TRIM2: variants seen among roughly 807,000 people sequenced by gnomAD.
TRIM2 encodes tripartite motif-containing protein 2.
TRIM2 carries 20 observed loss-of-function variants against 75.2 expected under a neutral mutation model. The observed-to-expected ratio is 0.27, with a 90% CI of 0.19 to 0.39. The LOEUF (loss-of-function observed/expected upper bound fraction) is 0.39. Ranked by LOEUF, TRIM2 falls within the 10% of genes least tolerant of loss-of-function variation. The pLI, the probability that TRIM2 is intolerant of heterozygous loss-of-function variation, is 1.00. For synonymous variants in TRIM2, 373 were observed against 388.3 expected, an observed-to-expected ratio of 0.96 and a Z score of 0.46; for missense variants, 660 against 990.8, an observed-to-expected ratio of 0.67 and a Z score of 4.48.
intron 3 of TRIM2, among the ~76,000 whole-genome samples, chr4:153,288,419 A>G (rs761480327): frequency 2.6e-5 from 4 of 152,222 alleles, no homozygotes. Flanking sequence ...CCTGGGTGAC[A>G]GAGTGAGACT....
At chr4:153,228,154 ACT>A (rs1279748616) in intron 1 of TRIM2, among the ~76,000 whole-genome samples, 1 of 152,120 alleles carries the variant, frequency 6.6e-6, no homozygotes, top group Admixed American at 6.5e-5. Flanking sequence ...AGGATCAGCT[ACT>A]CTCTATCCAT....
chr4:153,231,655 C>T (rs1206468369), intron 1 of TRIM2, among the ~76,000 whole-genome samples: 2 of 152,146 alleles, frequency 1.3e-5, no homozygotes, highest in Admixed American at 1.3e-4. Context: ...TGCTTAGGTG[C>T]TCTAAAGGGT....
rs1579850795 is a variant in TRIM2 at position 153,335,064 on chromosome 4, G to A, written c.*98G>A. The stretch of plus-strand genomic sequence containing the variant: ...GATTATGACTAGAGTTTTTATGCCA[G>A]AAGGAATCATTGGTGAACTTTCCAA... On this transcript the variant is annotated 3_prime_UTR_variant, in exon 12 of 12. Coordinates refer to ENST00000338700, the MANE Select transcript of TRIM2 (RefSeq NM_015271.5). 2.2e-6 allele frequency: 3 copies of A among 1,338,438 alleles called. No homozygotes were observed. The East Asian group carries it at 8.3e-5, about 37-fold the overall frequency. 82.9% of individuals were successfully genotyped at this position (1,338,438 alleles called of 1,614,324 possible). A position where few individuals can be genotyped will look rare whatever the true frequency, so the allele number is the denominator to read the frequency against.
intron 6 of TRIM2, among the ~76,000 whole-genome samples, chr4:153,300,470 A>T (rs564566154): frequency 4.2e-4 from 64 of 152,270 alleles, no homozygotes; most frequent in African/African-American, 1.5e-3. Context: ...GTTTTTGGTA[A>T]TAGCCATTCT....
chr4:153,288,493 T>G (rs1761160668), intron 3 of TRIM2, among the ~76,000 whole-genome samples: 2 of 152,212 alleles, frequency 1.3e-5, no homozygotes, highest in South Asian at 4.1e-4. Context: ...GAGTCACCTC[T>G]GTCTTGCTGC....
chr4:153,309,464 G>T (rs1312874690), intron 6 of TRIM2, among the ~76,000 whole-genome samples: 2 of 152,038 alleles, frequency 1.3e-5, no homozygotes, highest in Non-Finnish European at 2.9e-5. Context: ...TACAATGGGG[G>T]TTGTAATTTA....
At chr4:153,178,679 C>A (rs1001459428) in intron 1 of TRIM2, among the ~76,000 whole-genome samples, 14 of 152,172 alleles carry the variant, frequency 9.2e-5, no homozygotes, top group African/African-American at 3.1e-4. Flanking sequence ...CATCCTGTAG[C>A]CTTCTCTTAG....
At chr4:153,250,530 C>T (rs1468787380) in intron 1 of TRIM2, among the ~76,000 whole-genome samples, 4 of 152,148 alleles carry the variant, frequency 2.6e-5, no homozygotes, top group African/African-American at 4.8e-5. Flanking sequence ...ATCCTGAGTT[C>T]CATAAGAATA....
At chr4:153,261,755 A>C (rs958406756) in intron 1 of TRIM2, among the ~76,000 whole-genome samples, 1 of 152,208 alleles carries the variant, frequency 6.6e-6, no homozygotes, top group African/African-American at 2.4e-5. Context: ...TGGTGTCAGC[A>C]ATAAAGAGTG....
intron 1 of TRIM2, among the ~76,000 whole-genome samples, chr4:153,253,886 G>A (rs1016388341): frequency 1.3e-5 from 2 of 152,266 alleles, no homozygotes; most frequent in South Asian, 2.1e-4. Context: ...ATGTAAATGG[G>A]GAACCAGCAG....
rs370033089 is a variant in TRIM2, at chr4:153,225,774, CAG to C, written c.30+21216_30+21217del. Among the ~76,000 whole-genome samples, 1,165 of 152,296 alleles carry C rather than the reference CAG, an allele frequency of 7.6e-3. 15 individuals carry two copies. Among genetic ancestry groups the C allele is most frequent in the African/African-American group, 0.026 (1,062 of 41,560 alleles). ...AGAGGGTTTACTGGAAATTAAATCT[CAG>C]AAAGTGAGCTTTTGTTGGCAAATAT... is the stretch of plus-strand genomic sequence containing the variant. On this transcript the variant is annotated intron_variant, in intron 1 of 11. Transcript: ENST00000338700.
intron 3 of TRIM2, among the ~76,000 whole-genome samples, chr4:153,291,988 T>C (rs764641179): frequency 1.7e-4 from 24 of 145,104 alleles, no homozygotes; most frequent in Non-Finnish European, 3.5e-4. Flanking sequence ...GGAGACAAAC[T>C]GCTCAGTCCA....
intron 1 of TRIM2, among the ~76,000 whole-genome samples, chr4:153,178,483 C>T (rs1731705223): frequency 1.3e-5 from 2 of 152,172 alleles, no homozygotes; most frequent in South Asian, 4.1e-4. Flanking sequence ...TTCTGGCTGC[C>T]TCCTGTGCTT....
chr4:153,203,432 CGAA>C (rs1190815427), upstream of TRIM2, among the ~76,000 whole-genome samples: 1 of 145,012 alleles, frequency 6.9e-6, no homozygotes, highest in Non-Finnish European at 1.5e-5. Flanking sequence ...CACACACACA[CGAA>C]GAAGAACATA....
intron 1 of TRIM2, among the ~76,000 whole-genome samples, chr4:153,213,659 C>G (rs1304715902): frequency 6.6e-6 from 1 of 152,166 alleles, no homozygotes; most frequent in South Asian, 2.1e-4. Context: ...TTCCAAGTAG[C>G]TGGGATTACA....
chr4:153,242,159 A>C (rs1451341137), intron 1 of TRIM2, among the ~76,000 whole-genome samples: 1 of 152,206 alleles, frequency 6.6e-6, no homozygotes, highest in Non-Finnish European at 1.5e-5. Context: ...TGACCGGATT[A>C]AAAGGCTTCA....
At chr4:153,197,722 A>T (rs1345497446) in intron 1 of TRIM2, among the ~76,000 whole-genome samples, 1 of 152,102 alleles carries the variant, frequency 6.6e-6, no homozygotes, top group Non-Finnish European at 1.5e-5. Flanking sequence ...AAATACAAAA[A>T]GTTAGCCAGG....
intron 1 of TRIM2, among the ~76,000 whole-genome samples, chr4:153,186,897 T>C (rs533483141): frequency 1.5e-5 from 2 of 129,044 alleles, no homozygotes; most frequent in African/African-American, 3.2e-5. Context: ...TGCCATGCTA[T>C]TACATGTACT....
chr4:153,253,901 C>G (rs1254347991), intron 1 of TRIM2, among the ~76,000 whole-genome samples: 1 of 152,212 alleles, frequency 6.6e-6, no homozygotes, highest in Non-Finnish European at 1.5e-5. Context: ...CAGCAGCCCT[C>G]AGGGCTGCTC....
Sources: gnomAD v4.1 joint callset for allele counts (sites outside exome capture counted in the v4.1 genomes callset) on GRCh38, gnomAD v4.1.1 for gene constraint, MANE v1.5 for transcripts, NCBI Gene and HGNC (gene_info 2026-07-23, HGNC 2026-07-21) for gene names.